OPCML: variants seen among roughly 807,000 people sequenced by gnomAD.
The protein encoded by OPCML is opioid binding protein/cell adhesion molecule like.
A neutral mutation model predicts 37.8 loss-of-function variants in OPCML; 13 were observed. That is an observed-to-expected ratio of 0.34 (90% CI 0.22 to 0.55). The LOEUF (loss-of-function observed/expected upper bound fraction) is 0.55. Ranked by LOEUF, OPCML falls within the 20% of genes least tolerant of loss-of-function variation. OPCML has a pLI of 0.91. For synonymous variants in OPCML, 176 were observed against 168.8 expected (o/e 1.04, Z -0.33); for missense variants, 341 against 435.6 (o/e 0.78, Z 1.93).
intron 1 of OPCML, among the ~76,000 whole-genome samples, chr11:133,234,857 T>C (rs747002404): frequency 4.0e-4 from 61 of 152,208 alleles, no homozygotes; most frequent in Non-Finnish European, 6.9e-4. Context: ...CAATCATTGA[T>C]AGAAAAGCTC....
In OPCML at chr11:132,436,330, C is replaced by G. The variant is rs1285322086; in HGVS notation, c.765-93G>C. ...TCTCCAACTAATCTCGTCCTTCAAA[C>G]TCAAACCCTAAGCACTTCAGTGTCC... On this transcript the variant is annotated intron_variant, in intron 6 of 7. Coordinates refer to ENST00000524381, the MANE Select transcript of OPCML (RefSeq NM_001012393.5). 1.9e-6 allele frequency: 3 copies of G among 1,603,822 alleles called. No individual in the cohort carries two copies. The African/African-American group carries it at 4.0e-5, about 22-fold the overall frequency.
intron 1 of OPCML, among the ~76,000 whole-genome samples, chr11:133,232,797 C>A (rs1166810042): frequency 6.6e-6 from 1 of 152,126 alleles, no homozygotes; most frequent in East Asian, 1.9e-4. Context: ...GCGACCCTCA[C>A]CAAACAGGTC....
chr11:133,285,279 C>T (rs1942265932), intron 1 of OPCML, among the ~76,000 whole-genome samples: 1 of 152,156 alleles, frequency 6.6e-6, no homozygotes, highest in Non-Finnish European at 1.5e-5. Context: ...AAGGGTCACA[C>T]GTGGCAATTT....
At position 133,116,332 on chromosome 11, in the gene OPCML, A is replaced by G. The variant is rs931001591; in HGVS notation, c.62-173322T>C. Reference sequence around the variant, plus strand: ...TAGGAAATGTTTGCATTATTATAGTACTACTATCTAATTCATAATTTCTAT... The same window carrying G: ...TAGGAAATGTTTGCATTATTATAGTGCTACTATCTAATTCATAATTTCTAT... On this transcript the variant is annotated intron_variant, in intron 1 of 7. Transcript: ENST00000524381. Among the ~76,000 whole-genome samples, 16 of 152,320 alleles carry G rather than the reference A, an allele frequency of 1.1e-4. No homozygotes were observed. In the Middle Eastern group the frequency reaches 0.017, roughly 162 times the overall value.
chr11:133,253,530 A>G (rs1941211697), intron 1 of OPCML, among the ~76,000 whole-genome samples: 2 of 152,106 alleles, frequency 1.3e-5, no homozygotes, highest in South Asian at 4.1e-4. Flanking sequence ...GGCTGGTCTC[A>G]AACTCTTGAT....
At chr11:132,815,152 T>A (rs542676486) in intron 2 of OPCML, among the ~76,000 whole-genome samples, 96 of 152,304 alleles carry the variant, frequency 6.3e-4, no homozygotes, top group African/African-American at 2.2e-3. Flanking sequence ...TGCGTCCAAA[T>A]TCACCAGATT....
chr11:133,035,840 G>T (rs1179563098), intron 1 of OPCML, among the ~76,000 whole-genome samples: 3 of 152,106 alleles, frequency 2.0e-5, no homozygotes, highest in African/African-American at 4.8e-5. Flanking sequence ...GAACCTTGAG[G>T]CTGAATAAGG....
At chr11:133,279,496 A>T (rs565620566) in intron 1 of OPCML, among the ~76,000 whole-genome samples, 14 of 152,306 alleles carry the variant, frequency 9.2e-5, no homozygotes, top group Admixed American at 5.9e-4. Flanking sequence ...TAAAGACCGT[A>T]GGCAGAATCA....
intron 3 of OPCML, among the ~76,000 whole-genome samples, chr11:132,572,114 T>TG (rs200359791): frequency 3.4e-4 from 51 of 152,108 alleles, no homozygotes; most frequent in African/African-American, 1.2e-3. Flanking sequence ...ATCATGCTTT[T>TG]TTTTTTTTTG....
chr11:132,732,828 G>C (rs775236299), intron 2 of OPCML, among the ~76,000 whole-genome samples: 3 of 152,170 alleles, frequency 2.0e-5, no homozygotes, highest in Non-Finnish European at 2.9e-5. Context: ...TCAGTATTTA[G>C]AGATTAATGG....
intron 2 of OPCML, among the ~76,000 whole-genome samples, chr11:132,850,296 G>A (rs146932055): frequency 2.0e-5 from 3 of 152,088 alleles, no homozygotes; most frequent in South Asian, 4.1e-4. Flanking sequence ...CCAATCAGGC[G>A]CCATGTAACA....
At chr11:132,715,761 T>C (rs964427238) in intron 2 of OPCML, among the ~76,000 whole-genome samples, 1 of 152,168 alleles carries the variant, frequency 6.6e-6, no homozygotes, top group African/African-American at 2.4e-5. Flanking sequence ...ATTTATGTTG[T>C]TAATAGACCA....
At chr11:132,546,616 G>C (rs763794891) in intron 3 of OPCML, among the ~76,000 whole-genome samples, 8 of 152,158 alleles carry the variant, frequency 5.3e-5, no homozygotes, top group Non-Finnish European at 1.2e-4. Flanking sequence ...CCTCTGGAGA[G>C]AGAGAGCCAG....
intron 3 of OPCML, among the ~76,000 whole-genome samples, chr11:132,631,351 A>G (rs1302047989): frequency 1.2e-5 from 1 of 86,008 alleles, no homozygotes; most frequent in Non-Finnish European, 2.8e-5. Context: ...AACCATATAT[A>G]CATATATATA....
intron 3 of OPCML, among the ~76,000 whole-genome samples, chr11:132,608,538 G>A (rs567629618): frequency 3.3e-5 from 5 of 152,144 alleles, no homozygotes; most frequent in Non-Finnish European, 7.4e-5. Context: ...CAGACTCCAG[G>A]GTGTCAGTCC....
At chr11:132,738,876 C>T (rs528632249) in intron 2 of OPCML, among the ~76,000 whole-genome samples, 5 of 152,092 alleles carry the variant, frequency 3.3e-5, no homozygotes, top group Non-Finnish European at 7.3e-5. Flanking sequence ...GTGAGAATGT[C>T]AAGAAGGGTT....
chr11:133,250,712 A>G (rs1052348000), intron 1 of OPCML, among the ~76,000 whole-genome samples: 30 of 152,392 alleles, frequency 2.0e-4, no homozygotes, highest in African/African-American at 7.2e-4. Context: ...ACCAAGAACC[A>G]CATTAGGAGA....
At chr11:133,308,249 A>G (rs894130593) in intron 1 of OPCML, among the ~76,000 whole-genome samples, 1 of 152,220 alleles carries the variant, frequency 6.6e-6, no homozygotes, top group Non-Finnish European at 1.5e-5. Context: ...GTCTTAGTTT[A>G]TACCATAGAC....
intron 2 of OPCML, among the ~76,000 whole-genome samples, chr11:132,776,559 T>C (rs191646608): frequency 6.6e-6 from 1 of 151,922 alleles, no homozygotes; most frequent in Admixed American, 6.6e-5. Context: ...TTTCAAAGAA[T>C]GTAGCACTTC....
Sources: allele counts gnomAD v4.1 joint callset (sites outside exome capture counted in the v4.1 genomes callset), GRCh38; gene constraint gnomAD v4.1.1; transcripts MANE v1.5; gene names NCBI Gene and HGNC (gene_info 2026-07-23, HGNC 2026-07-21).